Variants in TTC28 observed in about 807,000 individuals in gnomAD.
TTC28 encodes the protein tetratricopeptide repeat protein 28.
In TTC28, 61 loss-of-function variants were observed where a neutral mutation model predicts 198.0. That is an observed-to-expected ratio of 0.31 (90% CI 0.25 to 0.38). The LOEUF (loss-of-function observed/expected upper bound fraction) is 0.38. Among genes scored for constraint, TTC28 ranks in the 10% least tolerant of loss-of-function variants. The pLI, the probability that TTC28 is intolerant of heterozygous loss-of-function variation, is 1.00. For missense variants in TTC28, 2,678 were observed against 3,164.0 expected (o/e 0.85, Z 3.69); for synonymous variants, 1,171 against 1,297.8 (o/e 0.90, Z 2.10).
chr22:28,150,716 A>T (rs549028575), intron 6 of TTC28, among the ~76,000 whole-genome samples: 3 of 152,316 alleles, frequency 2.0e-5, no homozygotes, highest in Admixed American at 6.5e-5. Context: ...TTGCAGATGG[A>T]AAGATTTAGG....
At chr22:28,141,042 C>A (rs530293548) in intron 6 of TTC28, among the ~76,000 whole-genome samples, 10 of 151,472 alleles carry the variant, frequency 6.6e-5, no homozygotes, top group African/African-American at 2.4e-4. Context: ...GTACTTTTAA[C>A]AGATGATGAA....
At chr22:28,570,490 TA>T (rs2050043012) in intron 2 of TTC28, among the ~76,000 whole-genome samples, 1 of 152,070 alleles carries the variant, frequency 6.6e-6, no homozygotes, top group South Asian at 2.1e-4. Flanking sequence ...AAGTGGGAGC[TA>T]AACACTGAAT....
At chr22:28,288,059 T>C (rs1328682874) in intron 5 of TTC28, among the ~76,000 whole-genome samples, 1 of 152,106 alleles carries the variant, frequency 6.6e-6, no homozygotes, top group African/African-American at 2.4e-5. Context: ...ATATGACTAA[T>C]TTAAATAATT....
At chr22:28,560,260 T>TA (rs1315662146) in intron 2 of TTC28, among the ~76,000 whole-genome samples, 3 of 152,182 alleles carry the variant, frequency 2.0e-5, no homozygotes, top group African/African-American at 7.2e-5. Flanking sequence ...TAGTCTAAGT[T>TA]ATCATTTCTT....
At position 28,107,231 on chromosome 22, in the gene TTC28, A is replaced by T. The variant is rs1007340831; in HGVS notation, c.2614T>A (p.Ser872Thr). ...AMLQQLSGNE[S>T]VLDRGRAYGN... ...TAGGCCCGGCCCCTGTCGAGCACAGACTCATTTCCACTTAGCTGCTGCAGC... is the reference window on the plus strand; with the variant it reads ...TAGGCCCGGCCCCTGTCGAGCACAGTCTCATTTCCACTTAGCTGCTGCAGC... Residue 872 changes from serine (S) to threonine (T), a missense_variant, in exon 7 of 23, where the codon TCT becomes ACT. Coordinates refer to ENST00000397906, the MANE Select transcript of TTC28 (RefSeq NM_001145418.2). The T allele has an allele frequency of 9.0e-6, 14 of 1,551,560 alleles. No homozygotes were observed. The highest frequency in any genetic ancestry group is 1.2e-5 in the Non-Finnish European group (14 of 1,146,968).
In TTC28 at chr22:28,246,402, A is replaced by G. The variant is rs192415849; in HGVS notation, c.933+49796T>C. ...TGAATCTGTAAAATAAAGAGGCTAG[A>G]CTAGATGGACTCTAAGGCTTTTTTC... On this transcript the variant is annotated intron_variant, in intron 5 of 22. Coordinates refer to ENST00000397906, the MANE Select transcript of TTC28 (RefSeq NM_001145418.2). Among the ~76,000 whole-genome samples, 12 of 152,308 alleles carry G rather than the reference A, an allele frequency of 7.9e-5. 1 individual carries two copies. The highest frequency in any genetic ancestry group is 7.8e-4 in the Admixed American group (12 of 15,304).
chr22:28,576,630 G>A (rs1271685005), intron 2 of TTC28, among the ~76,000 whole-genome samples: 2 of 152,060 alleles, frequency 1.3e-5, no homozygotes, highest in Non-Finnish European at 1.5e-5. Flanking sequence ...TTCCTTTGCA[G>A]GGAGACTTTT....
intron 2 of TTC28, among the ~76,000 whole-genome samples, chr22:28,611,380 T>C (rs2050815238): frequency 6.6e-6 from 1 of 151,990 alleles, no homozygotes; most frequent in Non-Finnish European, 1.5e-5. Flanking sequence ...GCAGAAACCC[T>C]ACAAGCCAGA....
At chr22:28,314,444 C>T (rs553367424) in intron 2 of TTC28, among the ~76,000 whole-genome samples, 9 of 152,272 alleles carry the variant, frequency 5.9e-5, no homozygotes, top group South Asian at 4.2e-4. Context: ...GGAGGCATCA[C>T]GCTTCCTGAC....
At chr22:27,987,306 C>T (rs1937245167) in intron 21 of TTC28, among the ~76,000 whole-genome samples, 1 of 152,214 alleles carries the variant, frequency 6.6e-6, no homozygotes, top group South Asian at 2.1e-4. Flanking sequence ...GGGTTTCCTT[C>T]TGTACTATTC....
chr22:28,337,034 G>C (rs2045735268), intron 2 of TTC28, among the ~76,000 whole-genome samples: 2 of 152,074 alleles, frequency 1.3e-5, no homozygotes, highest in African/African-American at 2.4e-5. Flanking sequence ...ATTCTGGTAT[G>C]TTGTGTCTTT....
chr22:28,337,792 C>T (rs947515642), intron 2 of TTC28, among the ~76,000 whole-genome samples: 4 of 152,120 alleles, frequency 2.6e-5, no homozygotes, highest in African/African-American at 9.7e-5. Flanking sequence ...GACTCTTTAT[C>T]CAATTTGCCA....
chr22:28,252,842 A>G (rs576634706), intron 5 of TTC28, among the ~76,000 whole-genome samples: 1 of 152,322 alleles, frequency 6.6e-6, no homozygotes, highest in East Asian at 1.9e-4. Context: ...CTGATTCATT[A>G]CCAAATGTAG....
rs1350288785 is a variant in TTC28 at position 27,983,384 on chromosome 22, C to T, written c.6283G>A (p.Val2095Ile). ...PQPGTAGGMR[V>I]SVSSKGSIST... ...ATGCTCCCTTTGGAGCTCACCGAGA[C>T]TCTCATGCCTCCGGCTGTCCCAGGT... is the stretch of plus-strand genomic sequence containing the variant. Residue 2095 changes from valine to isoleucine, a missense_variant, in exon 23 of 23, where the codon GTC becomes ATC. Physicochemically the swap from Val to Ile is conservative, Grantham distance 29. This residue lies in a region of TTC28 where 622 missense variants were observed against 656.0 expected (regional missense o/e 0.95). Transcript: ENST00000397906. The T allele has an allele frequency of 6.4e-7, 1 of 1,551,142 alleles. No individual in the cohort carries two copies. The highest frequency in any genetic ancestry group is 8.7e-7 in the Non-Finnish European group (1 of 1,147,044).
intron 2 of TTC28, among the ~76,000 whole-genome samples, chr22:28,532,882 A>G (rs573245793): frequency 3.3e-5 from 5 of 152,314 alleles, no homozygotes; most frequent in Non-Finnish European, 7.3e-5. Flanking sequence ...AACTCTCAAT[A>G]AACTAGGTAT....
chr22:28,546,848 C>T (rs1199139715), intron 2 of TTC28, among the ~76,000 whole-genome samples: 1 of 152,062 alleles, frequency 6.6e-6, no homozygotes, highest in African/African-American at 2.4e-5. Flanking sequence ...AAAAACATCA[C>T]AATGAGCAAA....
intron 16 of TTC28, chr22:27,997,699 G>A (rs1937577078): frequency 6.6e-6 from 1 of 152,222 alleles, no homozygotes; most frequent in Non-Finnish European, 1.5e-5. Context: ...GAGTTTCAGG[G>A]GCCAATGCTG....
chr22:28,669,130 T>C (rs2051835221), intron 1 of TTC28, among the ~76,000 whole-genome samples: 1 of 120,992 alleles, frequency 8.3e-6, no homozygotes, highest in Non-Finnish European at 1.7e-5. Flanking sequence ...GGAAGGGGAA[T>C]ATCACACTCT....
At chr22:28,635,964 C>G (rs1009054241) in intron 1 of TTC28, among the ~76,000 whole-genome samples, 1 of 151,832 alleles carries the variant, frequency 6.6e-6, no homozygotes, top group African/African-American at 2.4e-5. Context: ...ATTTCTCACA[C>G]CCTTGTCCCC....
Sources: gnomAD v4.1 joint callset for allele counts (sites outside exome capture counted in the v4.1 genomes callset) on GRCh38, gnomAD v4.1.1 for gene constraint, gnomAD v4.1.1 regional missense constraint, MANE v1.5 for transcripts, NCBI Gene and HGNC (gene_info 2026-07-23, HGNC 2026-07-21) for gene names.